Variants in LMF1 observed in about 807,000 individuals in gnomAD.
LMF1 encodes the protein transmembrane protein 112.
LMF1 carries 68 observed loss-of-function variants against 60.6 expected under a neutral mutation model. The ratio of observed to expected loss-of-function variants is 1.12; its 90% CI spans 0.92 to 1.37. The LOEUF (loss-of-function observed/expected upper bound fraction) is 1.37. LMF1 is among the 40% of genes most tolerant of loss of function. The pLI, the probability that LMF1 is intolerant of heterozygous loss-of-function variation, is 0.00. For missense variants in LMF1, 948 were observed against 767.2 expected, an observed-to-expected ratio of 1.24 and a Z score of -2.78; for synonymous variants, 418 against 324.7, an observed-to-expected ratio of 1.29 and a Z score of -3.09.
rs2073265613 is a variant in LMF1 at position 979,230 on chromosome 16, C to T, written c.-135+1915G>A. ...CCTAGTGGCTCACACCCGCGGAGGA[C>T]GAGGTCATTTTCCTGGGGACTTCAA... On this transcript the variant is annotated intron_variant, in intron 1 of 6. Transcript: ENST00000570014. 1.6e-5 allele frequency: 6 copies of T among 383,178 alleles called. No individual in the cohort carries two copies. In the East Asian group the frequency reaches 2.2e-4, roughly 14 times the overall value. 23.7% of individuals were successfully genotyped at this position (383,178 alleles called of 1,614,324 possible). A position where few individuals can be genotyped will look rare whatever the true frequency, so the allele number is the denominator to read the frequency against.
chr16:897,199 T>C lies in LMF1; in HGVS notation c.664-4127A>G, dbSNP rs1458569366. ...GTGTCCTGGGACACACTTCCCCAAA[T>C]CTGCCATCTGGAAACTCGAAGTGTC... is the stretch of plus-strand genomic sequence containing the variant. On this transcript the variant is annotated intron_variant, in intron 4 of 10. Coordinates refer to ENST00000262301, the MANE Select transcript of LMF1 (RefSeq NM_022773.4). This position sits in a 1 kb window ranked among gnomAD's most constrained non-coding sequence, Gnocchi z 4.3. 2.0e-5 allele frequency among the ~76,000 whole-genome samples: 3 copies of C among 152,134 alleles called. No individual in the cohort carries two copies. Among genetic ancestry groups the C allele is most frequent in the African/African-American group, 4.8e-5 (2 of 41,404 alleles).
chr16:904,164 T>C (rs1344061030), intron 4 of LMF1: 13 of 79,208 alleles, frequency 1.6e-4, no homozygotes, highest in South Asian at 5.2e-4. Flanking sequence ...GACCTCTGCA[T>C]CGCCCACAGG....
At chr16:888,351 T>C (rs569882175) in intron 5 of LMF1, among the ~76,000 whole-genome samples, 33 of 152,352 alleles carry the variant, frequency 2.2e-4, no homozygotes, top group Middle Eastern at 3.4e-3. Context: ...AACAGAGTTA[T>C]GTTCAACTCC....
At position 954,424 on chromosome 16, in the gene LMF1, C is replaced by T. The variant is rs369031841; in HGVS notation, c.436G>A (p.Ala146Thr). ...AGGGCAGCCATGAGAAGCATGTTGG[C>T]GCAGCCCGTGATCAGTACGAAAGAC... The part of the protein sequence containing the change: ...ISSFVLITGC[A>T]NMLLMAALWG... The change falls in exon 2 of 11, where the codon GCC becomes ACC. Residue 146 changes from alanine (A) to threonine (T), a missense_variant. By Grantham distance (58) the Ala-to-Thr change is moderately conservative. Transcript: ENST00000262301. 1.6e-5 allele frequency: 25 copies of T among 1,612,810 alleles called. No individual in the cohort carries two copies. The highest frequency in any genetic ancestry group is 8.9e-5 in the East Asian group (4 of 44,870).
chr16:882,969 TG>T (rs1411615120), intron 5 of LMF1, among the ~76,000 whole-genome samples: 1 of 135,834 alleles, frequency 7.4e-6, no homozygotes, highest in Non-Finnish European at 1.5e-5. Flanking sequence ...AAAGAGGAGC[TG>T]CTCAGCAGAA....
intron 5 of LMF1, chr16:884,298 A>C (rs572950754): frequency 6.6e-6 from 1 of 152,322 alleles, no homozygotes; most frequent in East Asian, 1.9e-4. Flanking sequence ...ATAATCGAAT[A>C]TTGCTTAAAA....
Position 893,044 on chromosome 16 carries a change from C to CACCG in LMF1, c.688_691dup (p.Cys231SerfsTer14). ...GTCCATGCAGGTGAGGTCTCGCCAG[C>CACCG]ACCGGTCCCCCCGGATCTTGATCAG... is the stretch of plus-strand genomic sequence containing the variant. On this transcript the variant is annotated frameshift_variant, in exon 5 of 11. Transcript: ENST00000262301. LOFTEE classifies it high-confidence loss of function. 1 of 1,553,078 alleles carries CACCG rather than the reference C, an allele frequency of 6.4e-7. No individual in the cohort carries two copies. Among genetic ancestry groups the CACCG allele is most frequent in the Non-Finnish European group, 8.7e-7 (1 of 1,148,496 alleles).
At chr16:887,534 G>A (rs1217571489) in intron 5 of LMF1, among the ~76,000 whole-genome samples, 1 of 152,196 alleles carries the variant, frequency 6.6e-6, no homozygotes, top group African/African-American at 2.4e-5. Context: ...CTAGGCAGCA[G>A]GGCCATGTCC....
chr16:947,348 G>A (rs1395180457), intron 2 of LMF1: 7 of 397,834 alleles, frequency 1.8e-5, no homozygotes, highest in Non-Finnish European at 2.5e-5. Flanking sequence ...TTGGGGCTAC[G>A]CAGAGGCAGG....
intron 2 of LMF1, among the ~76,000 whole-genome samples, chr16:935,529 G>C (rs1056195871): frequency 6.8e-6 from 1 of 146,652 alleles, no homozygotes. Context: ...ATTGTCTTGG[G>C]CCACACATAA....
At chr16:916,944 C>A (rs1317695641) in intron 3 of LMF1, among the ~76,000 whole-genome samples, 1 of 152,234 alleles carries the variant, frequency 6.6e-6, no homozygotes, top group Non-Finnish European at 1.5e-5. Flanking sequence ...GCTCTGGGAT[C>A]CCCTGAATAT....
chr16:943,138 G>A (rs1035433417), intron 2 of LMF1, among the ~76,000 whole-genome samples: 11 of 152,118 alleles, frequency 7.2e-5, no homozygotes, highest in African/African-American at 1.9e-4. Context: ...TTGGGAGGCC[G>A]AGGCGGGTGG....
chr16:864,293 AACCTGCC>A (rs1289453132), intron 10 of LMF1, among the ~76,000 whole-genome samples: 1 of 152,160 alleles, frequency 6.6e-6, no homozygotes. Context: ...TTTTACTTTC[AACCTGCC>A]TATACAGAGG....
intron 1 of LMF1, chr16:964,082 C>T (rs894571140): frequency 3.5e-5 from 16 of 455,890 alleles, no homozygotes; most frequent in African/African-American, 8.0e-5. Flanking sequence ...GAGGAAATAC[C>T]GTGTCGCCCG....
intron 6 of LMF1, among the ~76,000 whole-genome samples, chr16:876,720 C>T (rs527372379): frequency 3.3e-5 from 5 of 149,936 alleles, no homozygotes; most frequent in South Asian, 4.3e-4. Context: ...TGGACAGAGG[C>T]GGGCTGGGCG....
chr16:954,295 G>C (rs1191264163), intron 2 of LMF1, 62 bp downstream of exon 2: 2 of 1,488,448 alleles, frequency 1.3e-6, no homozygotes. Context: ...CAGGACACCT[G>C]CAGTGCCTGT....
rs528031284 is a variant in LMF1 at position 879,318 on chromosome 16, C to T, written c.897+252G>A. 5.6e-4 allele frequency among the ~76,000 whole-genome samples: 86 copies of T among 152,310 alleles called. 1 individual carries two copies. The South Asian group carries it at 0.015, about 27-fold the overall frequency. On this transcript the variant is annotated intron_variant, in intron 6 of 10. Transcript: ENST00000262301. The stretch of plus-strand genomic sequence containing the variant: ...GAGCCCAGGACATGGCCGGGCCTCT[C>T]GCAGCTGCAGGAAACGCTCTTGGGA...
chr16:854,669 G>C lies in LMF1; in HGVS notation c.1567C>G (p.Arg523Gly). ...TCGGCGGCGTGCCTGCCCCCAGGAC[G>C]GCTGAACTTGTACCTGTAGTGCTCT... ...RGEHYRYKFS[R>G]PGGRHAAEGK... The change falls in exon 11 of 11, where the codon CGT becomes GGT. Residue 523 changes from arginine (R) to glycine (G), a missense_variant. Transcript: ENST00000262301. 6.2e-7 allele frequency: 1 copy of C among 1,603,220 alleles called. No individual in the cohort carries two copies. The highest frequency in any genetic ancestry group is 8.5e-7 in the Non-Finnish European group (1 of 1,177,928).
At chr16:947,825 G>T (rs1473747524) in intron 2 of LMF1, among the ~76,000 whole-genome samples, 1 of 152,312 alleles carries the variant, frequency 6.6e-6, no homozygotes, top group East Asian at 1.9e-4. Flanking sequence ...GACAGAGTCA[G>T]CCAATGACAG....
Sources: gnomAD v4.1 joint callset for allele counts (sites outside exome capture counted in the v4.1 genomes callset) on GRCh38, gnomAD v4.1.1 for gene constraint, Gnocchi (gnomAD v3.1) non-coding constraint, MANE v1.5 for transcripts, NCBI Gene and HGNC (gene_info 2026-07-23, HGNC 2026-07-21) for gene names.